MCPH1: variants seen among roughly 807,000 people sequenced by gnomAD.
The protein encoded by MCPH1 is microcephalin.
MCPH1 carries 104 observed loss-of-function variants against 84.5 expected under a neutral mutation model. The ratio of observed to expected loss-of-function variants is 1.23; its 90% confidence interval spans 1.05 to 1.45. MCPH1 has a LOEUF of 1.45. Ranked by LOEUF, MCPH1 falls within the 40% of genes most tolerant of loss-of-function variation. The pLI, the probability that MCPH1 is intolerant of heterozygous loss-of-function variation, is 0.00. For missense variants in MCPH1, 1,498 were observed against 1,005.7 expected (o/e 1.49, Z -6.62); for synonymous variants, 514 against 366.8 (o/e 1.40, Z -4.58).
At chr8:6,531,612 T>C (rs1013927891) in intron 12 of MCPH1, among the ~76,000 whole-genome samples, 1 of 152,146 alleles carries the variant, frequency 6.6e-6, no homozygotes, top group African/African-American at 2.4e-5. Context: ...TATTTCAGTC[T>C]TCTTTCTGTT....
chr8:6,632,047 T>G (rs138094162), intron 13 of MCPH1, among the ~76,000 whole-genome samples: 7 of 152,336 alleles, frequency 4.6e-5, no homozygotes, highest in African/African-American at 1.7e-4. Context: ...TGGATGAACT[T>G]TGAAAACATC....
At chr8:6,587,920 G>A (rs541244844) in intron 12 of MCPH1, among the ~76,000 whole-genome samples, 43 of 152,324 alleles carry the variant, frequency 2.8e-4, no homozygotes, top group African/African-American at 8.4e-4. Flanking sequence ...TCTCACTTAC[G>A]TGCTGGGGAC....
intron 11 of MCPH1, among the ~76,000 whole-genome samples, chr8:6,491,686 T>A (rs1448202233): frequency 1.3e-5 from 2 of 151,982 alleles, no homozygotes; most frequent in African/African-American, 4.8e-5. Context: ...CCATGTCTTC[T>A]CATTGTTCAA....
chr8:6,446,618 A>G lies in MCPH1; in HGVS notation c.1825+1071A>G, dbSNP rs1021438321. On this transcript the variant is annotated intron_variant, in intron 8 of 13. Coordinates refer to ENST00000344683, the MANE Select transcript of MCPH1 (RefSeq NM_024596.5). The stretch of plus-strand genomic sequence containing the variant: ...GTGTTTTCAAAATATTTATTTTAAA[A>G]TGTTGACTCAAAAGTTAATATAAAA... 9 of 979,912 alleles carry G rather than the reference A, an allele frequency of 9.2e-6. No individual in the cohort carries two copies. In the African/African-American group the frequency reaches 1.2e-4, roughly 13 times the overall value. 60.7% of individuals were successfully genotyped at this position (979,912 alleles called of 1,614,324 possible).
At chr8:6,454,855 G>A (rs185291824) in intron 8 of MCPH1, among the ~76,000 whole-genome samples, 8 of 152,332 alleles carry the variant, frequency 5.3e-5, no homozygotes, top group Admixed American at 4.6e-4. Context: ...TGACGAGTGC[G>A]TAAGGTATGG....
intron 12 of MCPH1, chr8:6,620,018 C>T (rs1040281327): frequency 4.6e-5 from 7 of 152,236 alleles, no homozygotes; most frequent in Admixed American, 2.6e-4. Flanking sequence ...CAGTGTGACT[C>T]ACCATTTGCC....
rs1804162724 is a variant in MCPH1 at position 6,445,329 on chromosome 8, A to T, written c.1607A>T (p.Lys536Ile). Residue 536 changes from lysine to isoleucine, a missense_variant, in exon 8 of 14, where the codon AAA (lysine) becomes ATA (isoleucine). Physicochemically the swap from Lys to Ile is moderately radical, Grantham distance 102. Coordinates refer to ENST00000344683, the MANE Select transcript of MCPH1 (RefSeq NM_024596.5). Reference protein sequence around the residue: ...SYTIEDPALPKGHDDDLTPLE... With the variant: ...SYTIEDPALPIGHDDDLTPLE... ...ACCATTGAGGACCCTGCTCTTCCAA[A>T]AGGACATGATGATGATTTAACTCCT... 3.1e-6 allele frequency: 5 copies of T among 1,614,244 alleles called. No homozygotes were observed. The East Asian group carries it at 1.1e-4, about 36-fold the overall frequency.
chr8:6,457,216 C>T (rs1334532632), intron 9 of MCPH1, among the ~76,000 whole-genome samples: 1 of 151,990 alleles, frequency 6.6e-6, no homozygotes, highest in Non-Finnish European at 1.5e-5. Flanking sequence ...TAAACTTTGC[C>T]CTCATAATTT....
intron 9 of MCPH1, among the ~76,000 whole-genome samples, chr8:6,466,129 A>ATTTTTTTTT (rs751729134): frequency 1.5e-4 from 3 of 19,782 alleles, no homozygotes; most frequent in African/African-American, 3.5e-4. Context: ...TAATTTTTGG[A>ATTTTTTTTT]TTTTTTTTTT....
At chr8:6,511,331 T>C (rs1237561297) in intron 12 of MCPH1, among the ~76,000 whole-genome samples, 1 of 152,168 alleles carries the variant, frequency 6.6e-6, no homozygotes, top group Non-Finnish European at 1.5e-5. Flanking sequence ...GGGATGATTT[T>C]ATATAACAGT....
rs540608864 is a variant in MCPH1, at chr8:6,522,203, A to G, written c.2214+22274A>G. On this transcript the variant is annotated intron_variant, in intron 12 of 13. Coordinates refer to ENST00000344683, the MANE Select transcript of MCPH1 (RefSeq NM_024596.5). ...ACCCCGTCTCCACTAAAAATACAAA[A>G]AATTCTCCAGGCGTGGTGGCGGGCG... Among the ~76,000 whole-genome samples, 113 of 152,124 alleles carry G rather than the reference A, an allele frequency of 7.4e-4. 1 individual carries two copies. The South Asian group carries it at 0.016, about 22-fold the overall frequency.
At chr8:6,446,973 G>A (rs1316115745) in intron 8 of MCPH1, 1 of 985,400 alleles carries the variant, frequency 1.0e-6, no homozygotes, top group Non-Finnish European at 1.2e-6. Context: ...GGGACGGAGA[G>A]GTTTTTTCGC....
chr8:6,480,884 CT>C lies in MCPH1; in HGVS notation c.2136+9del. ...GTTCTCTCTTATGATTGGGTAAGCCCTGTGTGTGAACTGCGTATTTTAAAAC... is the reference window on the plus strand; with the variant it reads ...GTTCTCTCTTATGATTGGGTAAGCCCGTGTGTGAACTGCGTATTTTAAAAC... On this transcript the variant is annotated intron_variant, in intron 11 of 13. Transcript: ENST00000344683. 6.2e-7 allele frequency: 1 copy of C among 1,613,672 alleles called. No homozygotes were observed. The highest frequency in any genetic ancestry group is 1.1e-5 in the South Asian group (1 of 91,076).
intron 9 of MCPH1, chr8:6,473,866 C>T (rs752760796): frequency 4.7e-6 from 7 of 1,487,930 alleles, no homozygotes; most frequent in Non-Finnish European, 6.2e-6. Flanking sequence ...CTTTGATCCA[C>T]TGCTCAATCC....
rs930019281 is a variant in MCPH1 at position 6,643,488 on chromosome 8, C to T, written c.*439C>T. 9.5e-5 allele frequency: 21 copies of T among 221,094 alleles called. No individual in the cohort carries two copies. The highest frequency in any genetic ancestry group is 2.3e-4 in the African/African-American group (10 of 43,080). 13.7% of individuals were successfully genotyped at this position (221,094 alleles called of 1,614,324 possible). ...CCATGTTGGCCAGGCTGGTCTCAAA[C>T]GCCTGAGCTCAGGTGATCTGTCAGG... is the stretch of plus-strand genomic sequence containing the variant. On this transcript the variant is annotated 3_prime_UTR_variant, in exon 14 of 14. Transcript: ENST00000344683.
At chr8:6,621,750 G>T in intron 13 of MCPH1, 59 bp downstream of exon 13, 4 of 1,611,828 alleles carry the variant, frequency 2.5e-6, no homozygotes, top group Non-Finnish European at 3.4e-6. Flanking sequence ...CAGGTTTCCA[G>T]GGAGGGCGGC....
intron 6 of MCPH1, among the ~76,000 whole-genome samples, chr8:6,441,723 C>T (rs899237109): frequency 2.0e-5 from 3 of 152,144 alleles, no homozygotes; most frequent in East Asian, 1.9e-4. Context: ...CCCTCACTGG[C>T]GATATCCAAA....
At chr8:6,563,563 C>T (rs1410801022) in intron 12 of MCPH1, among the ~76,000 whole-genome samples, 1 of 152,184 alleles carries the variant, frequency 6.6e-6, no homozygotes, top group East Asian at 1.9e-4. Flanking sequence ...GGCAAAATAT[C>T]TGAGGTAATA....
intron 9 of MCPH1, among the ~76,000 whole-genome samples, chr8:6,457,450 C>G (rs995117304): frequency 2.0e-5 from 3 of 151,568 alleles, no homozygotes; most frequent in African/African-American, 7.3e-5. Context: ...ACAAAAAACA[C>G]AAAAATTGGC....
Sources: gnomAD v4.1 joint callset for allele counts (sites outside exome capture counted in the v4.1 genomes callset) on GRCh38, gnomAD v4.1.1 for gene constraint, MANE v1.5 for transcripts, NCBI Gene and HGNC (gene_info 2026-07-23, HGNC 2026-07-21) for gene names.